SMCHD1: variants seen among roughly 807,000 people sequenced by gnomAD.
The protein encoded by SMCHD1 is structural maintenance of chromosomes flexible hinge domain containing 1.
In SMCHD1, 78 loss-of-function variants were observed where a neutral mutation model predicts 254.7. The observed-to-expected ratio is 0.31, with a 90% CI of 0.26 to 0.37. The LOEUF is 0.37. Ranked by LOEUF, SMCHD1 falls within the 10% of genes least tolerant of loss-of-function variation. SMCHD1 has a pLI of 1.00. For missense variants in SMCHD1, 1,840 were observed against 2,408.1 expected (o/e 0.76, Z 4.94); for synonymous variants, 766 against 794.9 (o/e 0.96, Z 0.61).
intron 19 of SMCHD1, 123 bp from the exon 20 acceptor site, chr18:2,722,396 T>C (rs1319111842): frequency 2.5e-6 from 2 of 815,942 alleles, no homozygotes; most frequent in Non-Finnish European, 3.7e-6. Context: ...TAAAATGTTA[T>C]TTTTAGCATA....
chr18:2,801,305 G>A (rs1420253957), intron 47 of SMCHD1: 1 of 152,086 alleles, frequency 6.6e-6, no homozygotes, highest in East Asian at 1.9e-4. Context: ...CATATTTTCA[G>A]TGCAGCCTTT....
chr18:2,734,897 ATCTCTAC>A (rs2075217279), intron 25 of SMCHD1, among the ~76,000 whole-genome samples: 1 of 151,622 alleles, frequency 6.6e-6, no homozygotes, highest in South Asian at 2.1e-4. Flanking sequence ...GTGAAACCCC[ATCTCTAC>A]TAGAAAAATA....
At chr18:2,747,260 G>A (rs2075472871) in intron 29 of SMCHD1, among the ~76,000 whole-genome samples, 1 of 152,114 alleles carries the variant, frequency 6.6e-6, no homozygotes, top group Non-Finnish European at 1.5e-5. Context: ...GGTATCCACT[G>A]GGGTCTAGAA....
At position 2,770,769 on chromosome 18, in the gene SMCHD1, T is replaced by C. The variant is rs556150292; in HGVS notation, c.4966+661T>C. Among the ~76,000 whole-genome samples, 532 of 152,160 alleles carry C rather than the reference T, an allele frequency of 3.5e-3. 1 individual carries two copies. The highest frequency in any genetic ancestry group is 0.015 in the South Asian group (70 of 4,816). ...CCAAGTAGCTAGGATTACAGGCACA[T>C]GCCACCACGCCTGGCTGATTTTTGT... On this transcript the variant is annotated intron_variant, in intron 39 of 47. Transcript: ENST00000320876.
At chr18:2,735,123 G>A (rs1442288220) in intron 25 of SMCHD1, among the ~76,000 whole-genome samples, 2 of 151,232 alleles carry the variant, frequency 1.3e-5, no homozygotes, top group East Asian at 3.9e-4. Context: ...TGAGATTCAG[G>A]GTTGAACCAA....
intron 1 of SMCHD1, among the ~76,000 whole-genome samples, chr18:2,663,872 G>A (rs562167261): frequency 3.3e-5 from 5 of 152,110 alleles, no homozygotes; most frequent in Non-Finnish European, 5.9e-5. Flanking sequence ...CTGCCACCAC[G>A]CCTGGCTAAT....
At position 2,700,674 on chromosome 18, in the gene SMCHD1, T is replaced by A. The variant is rs1284405656; in HGVS notation, c.1463+15T>A. 6.2e-7 allele frequency: 1 copy of A among 1,602,716 alleles called. No individual in the cohort carries two copies. Among genetic ancestry groups the A allele is most frequent in the East Asian group, 2.2e-5 (1 of 44,756 alleles). On this transcript the variant is annotated intron_variant, in intron 11 of 47. Transcript: ENST00000320876. ...TCAGTTGAAGAGTAAGTTTGATTTTTGCTGAAATTATGTTTTTACAACTTA... is the reference window on the plus strand; with the variant it reads ...TCAGTTGAAGAGTAAGTTTGATTTTAGCTGAAATTATGTTTTTACAACTTA...
chr18:2,700,864 T>C lies in SMCHD1; in HGVS notation c.1593T>C (p.Leu531=). The part of the protein sequence containing the change: ...VSTNKLTFMD[L]ELKLKDKNTL... The stretch of plus-strand genomic sequence containing the variant: ...CAAATAAATTGACGTTTATGGATCT[T>C]GAGCTAAAATTGAAAGATAAGAACA... Residue 531 remains leucine, a synonymous_variant, in exon 12 of 48, where the codon CTT becomes CTC. Coordinates refer to ENST00000320876, the MANE Select transcript of SMCHD1 (RefSeq NM_015295.3). 6.2e-7 allele frequency: 1 copy of C among 1,612,260 alleles called. No homozygotes were observed. Among genetic ancestry groups the C allele is most frequent in the Non-Finnish European group, 8.5e-7 (1 of 1,179,146 alleles).
At chr18:2,786,258 G>A (rs2076238783) in intron 45 of SMCHD1, among the ~76,000 whole-genome samples, 1 of 152,108 alleles carries the variant, frequency 6.6e-6, no homozygotes, top group African/African-American at 2.4e-5. Context: ...CCAAAGTGCT[G>A]GAATTACAGG....
chr18:2,768,992 A>G (rs1315592153), intron 37 of SMCHD1, among the ~76,000 whole-genome samples: 1 of 152,102 alleles, frequency 6.6e-6, no homozygotes, highest in Non-Finnish European at 1.5e-5. Flanking sequence ...ATATCGATTT[A>G]GATTTTTTAA....
At chr18:2,795,567 C>T (rs1347125750) in intron 45 of SMCHD1, among the ~76,000 whole-genome samples, 2 of 152,160 alleles carry the variant, frequency 1.3e-5, no homozygotes, top group Non-Finnish European at 2.9e-5. Context: ...TGATTTCTAA[C>T]AACACAATAT....
chr18:2,802,835 C>T lies in SMCHD1; in HGVS notation c.*283C>T. The T allele has an allele frequency of 3.0e-6, 1 of 328,376 alleles. No homozygotes were observed. Among genetic ancestry groups the T allele is most frequent in the Non-Finnish European group, 5.5e-6 (1 of 181,504 alleles). 20.3% of individuals were successfully genotyped at this position (328,376 alleles called of 1,614,324 possible). ...GTAAGAGGAAAATGTGCTAATGTGG[C>T]AGTGACTGTAAAACTGGCACATGGC... On this transcript the variant is annotated 3_prime_UTR_variant, in exon 48 of 48. Transcript: ENST00000320876.
rs150520044 is a variant in SMCHD1, at chr18:2,803,722, CTGTT to C, written c.*1175_*1178del. The C allele has an allele frequency of 3.9e-5, 6 of 152,134 alleles. No homozygotes were observed. The East Asian group carries it at 5.8e-4, about 15-fold the overall frequency. 9.4% of individuals were successfully genotyped at this position (152,134 alleles called of 1,614,324 possible). A position where few individuals can be genotyped will look rare whatever the true frequency, so the allele number is the denominator to read the frequency against. ...TCTTTATAATTGGAAATTATTTAAACTGTTTGTTGTTACAGAAGAAACAAAATGG... is the reference window on the plus strand; with the variant it reads ...TCTTTATAATTGGAAATTATTTAAACTGTTGTTACAGAAGAAACAAAATGG... On this transcript the variant is annotated 3_prime_UTR_variant, in exon 48 of 48. Coordinates refer to ENST00000320876, the MANE Select transcript of SMCHD1 (RefSeq NM_015295.3).
At chr18:2,745,096 GCCTCC>G (rs2075426118) in intron 29 of SMCHD1, among the ~76,000 whole-genome samples, 1 of 152,202 alleles carries the variant, frequency 6.6e-6, no homozygotes, top group Non-Finnish European at 1.5e-5. Flanking sequence ...GTCCGCCTTG[GCCTCC>G]CGAAGTGCTG....
intron 1 of SMCHD1, among the ~76,000 whole-genome samples, chr18:2,660,134 G>A (rs1315387660): frequency 2.0e-5 from 3 of 152,038 alleles, no homozygotes; most frequent in East Asian, 1.9e-4. Context: ...GATCAGCTTG[G>A]CCAACATGGT....
chr18:2,721,349 T>C (rs1393456161), intron 19 of SMCHD1, among the ~76,000 whole-genome samples: 3 of 152,188 alleles, frequency 2.0e-5, no homozygotes, highest in Non-Finnish European at 4.4e-5. Flanking sequence ...GTAGCTGTGA[T>C]ATCAAGAAGG....
At chr18:2,776,906 T>G (rs941522945) in intron 42 of SMCHD1, among the ~76,000 whole-genome samples, 2 of 152,134 alleles carry the variant, frequency 1.3e-5, no homozygotes, top group Non-Finnish European at 2.9e-5. Context: ...ATACTTTTTC[T>G]TTTCTTAAGA....
intron 37 of SMCHD1, among the ~76,000 whole-genome samples, chr18:2,766,054 C>T (rs2075862707): frequency 6.6e-6 from 1 of 151,746 alleles, no homozygotes; most frequent in African/African-American, 2.4e-5. Flanking sequence ...AGTGCAGTGG[C>T]GCGATTGCCC....
chr18:2,743,706 T>C (rs2075394029), intron 28 of SMCHD1, 55 bp from the exon 29 acceptor site: 1 of 1,353,828 alleles, frequency 7.4e-7, no homozygotes, highest in Admixed American at 2.4e-5. Flanking sequence ...TTATTTTGTT[T>C]TTCTGAACAC....
Sources: gnomAD v4.1 joint callset for allele counts (sites outside exome capture counted in the v4.1 genomes callset) on GRCh38, gnomAD v4.1.1 for gene constraint, MANE v1.5 for transcripts, NCBI Gene and HGNC (gene_info 2026-07-23, HGNC 2026-07-21) for gene names.